C10orf143: variants seen among roughly 807,000 people sequenced by gnomAD.
C10orf143 encodes the protein uncharacterized protein C10orf143.
chr10:130,076,343 C>A (rs1165302777), intron 3 of C10orf143, among the ~76,000 whole-genome samples: 1 of 152,192 alleles, frequency 6.6e-6, no homozygotes, highest in Non-Finnish European at 1.5e-5. Context: ...CCACCAATGC[C>A]TCACGTTGGC....
chr10:130,045,470 T>A (rs546063493), intron 3 of C10orf143, among the ~76,000 whole-genome samples: 2 of 152,216 alleles, frequency 1.3e-5, no homozygotes, highest in South Asian at 4.2e-4. Flanking sequence ...CCGCAGACAG[T>A]GGCAGCAACG....
chr10:130,046,251 A>C (rs1228022692), intron 3 of C10orf143, among the ~76,000 whole-genome samples: 1 of 151,252 alleles, frequency 6.6e-6, no homozygotes, highest in Non-Finnish European at 1.5e-5. Context: ...GTGGGACACG[A>C]GGGACGGGAC....
At chr10:130,050,932 T>G (rs1406749730) in intron 3 of C10orf143, among the ~76,000 whole-genome samples, 1 of 152,146 alleles carries the variant, frequency 6.6e-6, no homozygotes, top group Non-Finnish European at 1.5e-5. Context: ...GATGGTCCCA[T>G]CTCAGGCTGT....
At chr10:130,106,565 C>G (rs1228890291) in intron 1 of C10orf143, 1 of 1,569,056 alleles carries the variant, frequency 6.4e-7, no homozygotes, top group Non-Finnish European at 8.8e-7. Flanking sequence ...AAAAACGATA[C>G]AGCCTCTAGC....
chr10:130,101,876 A>AAAAAAAAAAAAAAAAC (rs1861561847), intron 1 of C10orf143, among the ~76,000 whole-genome samples: 2 of 149,978 alleles, frequency 1.3e-5, no homozygotes, highest in African/African-American at 4.9e-5. Flanking sequence ...AAAAAAAAAA[A>AAAAAAAAAAAAAAAAC]AAAAAAAAAC....
intron 3 of C10orf143, 118 bp downstream of exon 3, chr10:130,079,448 T>C: frequency 1.0e-5 from 4 of 397,698 alleles, no homozygotes; most frequent in Non-Finnish European, 1.8e-5. Context: ...CACCTTTTTA[T>C]TTATGTTCCT....
At chr10:130,093,964 C>T (rs1231570637) in intron 1 of C10orf143, among the ~76,000 whole-genome samples, 5 of 149,584 alleles carry the variant, frequency 3.3e-5, no homozygotes, top group African/African-American at 1.2e-4. Flanking sequence ...AAGCCAAGAT[C>T]GTGCCACTGT....
chr10:130,074,910 A>G (rs1861090584), intron 3 of C10orf143, among the ~76,000 whole-genome samples: 1 of 152,050 alleles, frequency 6.6e-6, no homozygotes, highest in African/African-American at 2.4e-5. Flanking sequence ...TTCTACTCCT[A>G]CGTTGGCTGA....
At chr10:130,071,795 T>C (rs185485010) in intron 3 of C10orf143, among the ~76,000 whole-genome samples, 9 of 152,296 alleles carry the variant, frequency 5.9e-5, no homozygotes, top group African/African-American at 2.2e-4. Flanking sequence ...TGGCTAATTT[T>C]TTATTTGCAG....
chr10:130,091,532 G>T (rs140648638), intron 1 of C10orf143, among the ~76,000 whole-genome samples: 3 of 152,118 alleles, frequency 2.0e-5, no homozygotes, highest in African/African-American at 7.2e-5. Context: ...ACAACTCCTC[G>T]CCAGCAAGAG....
chr10:130,050,914 A>G (rs868038134), intron 3 of C10orf143, among the ~76,000 whole-genome samples: 6 of 152,152 alleles, frequency 3.9e-5, no homozygotes, highest in Non-Finnish European at 7.4e-5. Context: ...CTTGTCTCCA[A>G]CATGGATGAT....
At chr10:130,052,857 G>T (rs577995406) in intron 3 of C10orf143, among the ~76,000 whole-genome samples, 1 of 152,312 alleles carries the variant, frequency 6.6e-6, no homozygotes, top group Admixed American at 6.5e-5. Flanking sequence ...GAAAAACAAT[G>T]CATGTTCTAA....
chr10:130,044,856 A>T (rs758066620), intron 3 of C10orf143, among the ~76,000 whole-genome samples: 10 of 152,142 alleles, frequency 6.6e-5, no homozygotes, highest in Admixed American at 2.0e-4. Context: ...AGGTGCAAAC[A>T]GAGAGGCCAT....
intron 3 of C10orf143, among the ~76,000 whole-genome samples, chr10:130,050,209 T>TCCACTCTCGCTGG (rs1460907025): frequency 6.6e-6 from 1 of 152,224 alleles, no homozygotes; most frequent in Non-Finnish European, 1.5e-5. Context: ...CACCCAAACT[T>TCCACTCTCGCTGG]CCACTCTCGC....
downstream of C10orf143, among the ~76,000 whole-genome samples, chr10:130,061,723 G>A (rs1180610): frequency 0.55 from 83,613 of 152,102 alleles, 25,254 homozygotes; most frequent in Admixed American, 0.69. Context: ...TTTCACGCTC[G>A]TCATGGGTGC....
At chr10:130,039,095 C>G (rs181599496) in intron 3 of C10orf143, among the ~76,000 whole-genome samples, 1 of 152,334 alleles carries the variant, frequency 6.6e-6, no homozygotes, top group East Asian at 1.9e-4. Flanking sequence ...AACAGTGACA[C>G]TAGTCCAGCC....
At chr10:130,078,060 T>C (rs1861148605) in intron 3 of C10orf143, among the ~76,000 whole-genome samples, 1 of 152,186 alleles carries the variant, frequency 6.6e-6, no homozygotes. Context: ...CAATGAAGGT[T>C]TTCTGCTCAT....
chr10:130,037,568 C>A (rs1161655309), intron 3 of C10orf143, among the ~76,000 whole-genome samples: 1 of 152,194 alleles, frequency 6.6e-6, no homozygotes, highest in Non-Finnish European at 1.5e-5. Context: ...GTGCACACCC[C>A]AGGGAGGGCA....
intron 3 of C10orf143, chr10:130,066,434 T>C (rs140048559): frequency 6.6e-6 from 1 of 151,008 alleles, no homozygotes; most frequent in African/African-American, 2.4e-5. Flanking sequence ...CCTCAGGCGA[T>C]CCACTCGCCT....
Sources: gnomAD v4.1 joint callset for allele counts (sites outside exome capture counted in the v4.1 genomes callset) on GRCh38, gnomAD v4.1.1 for gene constraint, MANE v1.5 for transcripts, NCBI Gene and HGNC (gene_info 2026-07-23, HGNC 2026-07-21) for gene names.